The following AGPAT5 variants were observed in gnomAD, a reference collection of about 807,000 sequenced individuals.
The protein encoded by AGPAT5 is 1-acylglycerol-3-phosphate O-acyltransferase 5.
In AGPAT5, 46 loss-of-function variants were observed where a neutral mutation model predicts 45.6. That is an observed-to-expected ratio of 1.01 (90% CI 0.80 to 1.29). The LOEUF is 1.29. Among genes scored for constraint, AGPAT5 ranks in the 50% most tolerant of loss-of-function variants. AGPAT5 has a pLI of 0.00. For synonymous variants in AGPAT5, 272 were observed against 167.0 expected (o/e 1.63, Z -4.85); for missense variants, 673 against 450.7 (o/e 1.49, Z -4.47).
intron 1 of AGPAT5, among the ~76,000 whole-genome samples, chr8:6,713,052 G>T (rs779345652): frequency 1.3e-5 from 2 of 152,188 alleles, no homozygotes; most frequent in African/African-American, 2.4e-5. Context: ...TGGTGCGGTG[G>T]CACCATCATT....
chr8:6,744,936 C>T (rs1389000487), intron 5 of AGPAT5, among the ~76,000 whole-genome samples: 1 of 152,236 alleles, frequency 6.6e-6, no homozygotes, highest in Non-Finnish European at 1.5e-5. Flanking sequence ...TGACTGCCTT[C>T]TGCAGCCAAG....
intron 3 of AGPAT5, among the ~76,000 whole-genome samples, chr8:6,731,325 A>T (rs911176801): frequency 6.6e-6 from 1 of 152,286 alleles, no homozygotes; most frequent in Admixed American, 6.5e-5. Context: ...TTCCTTCAGC[A>T]TCTGTGGGGA....
rs1802000304 is a variant in AGPAT5, at chr8:6,760,495, GAA to G, written c.*3109_*3110del. Reference sequence around the variant, plus strand: ...ACCACAAAAAATGTGAAAAGAGAGAGAAATGTCTACCAAAGCAGTATTTTGTG... The same window carrying G: ...ACCACAAAAAATGTGAAAAGAGAGAGATGTCTACCAAAGCAGTATTTTGTG... On this transcript the variant is annotated 3_prime_UTR_variant, in exon 8 of 8. Coordinates refer to ENST00000285518, the MANE Select transcript of AGPAT5 (RefSeq NM_018361.5). Among the ~76,000 whole-genome samples, 1 of 152,168 alleles carries G rather than the reference GAA, an allele frequency of 6.6e-6. No individual in the cohort carries two copies. The highest frequency in any genetic ancestry group is 6.5e-5 in the Admixed American group (1 of 15,270).
At chr8:6,733,660 T>C (rs980178830) in intron 4 of AGPAT5, among the ~76,000 whole-genome samples, 3 of 152,312 alleles carry the variant, frequency 2.0e-5, no homozygotes, top group Middle Eastern at 3.4e-3. Context: ...GGTCATTGCA[T>C]GTAGGTCTCC....
intron 1 of AGPAT5, among the ~76,000 whole-genome samples, chr8:6,710,030 A>T (rs565337047): frequency 1.3e-5 from 2 of 152,334 alleles, no homozygotes; most frequent in South Asian, 4.1e-4. Context: ...GTTTGTCTAA[A>T]TGTATGATTT....
At chr8:6,748,082 G>A (rs1440765150) in intron 6 of AGPAT5, among the ~76,000 whole-genome samples, 1 of 149,500 alleles carries the variant, frequency 6.7e-6, no homozygotes, top group East Asian at 2.1e-4. Context: ...TCTACTCAAA[G>A]TTCACACTTA....
At position 6,758,584 on chromosome 8, in the gene AGPAT5, C is replaced by T. The variant is rs965047844; in HGVS notation, c.*1196C>T. Reference sequence around the variant, plus strand: ...GCATTTGTCTGTGTCAAGAAGTTCACCTTCTCAAGCCAGTGAAATACAGAC... The same window carrying T: ...GCATTTGTCTGTGTCAAGAAGTTCATCTTCTCAAGCCAGTGAAATACAGAC... On this transcript the variant is annotated 3_prime_UTR_variant, in exon 8 of 8. Transcript: ENST00000285518. 7 of 152,376 alleles carry T rather than the reference C, an allele frequency of 4.6e-5. No homozygotes were observed. The highest frequency in any genetic ancestry group is 1.7e-4 in the African/African-American group (7 of 41,458). 9.4% of individuals were successfully genotyped at this position (152,376 alleles called of 1,614,324 possible).
rs1587082939 is a variant in AGPAT5 at position 6,761,404 on chromosome 8, T to C, written c.*4016T>C. On this transcript the variant is annotated 3_prime_UTR_variant, in exon 8 of 8. Coordinates refer to ENST00000285518, the MANE Select transcript of AGPAT5 (RefSeq NM_018361.5). Reference sequence around the variant, plus strand: ...GCAAGAATACTTGACTAACTCTTTTTGTCTCTTTATGGTATTTTCAGAATA... The same window carrying C: ...GCAAGAATACTTGACTAACTCTTTTCGTCTCTTTATGGTATTTTCAGAATA... Among the ~76,000 whole-genome samples, 1 of 152,254 alleles carries C rather than the reference T, an allele frequency of 6.6e-6. No individual in the cohort carries two copies. The highest frequency in any genetic ancestry group is 1.9e-4 in the East Asian group (1 of 5,202).
intron 1 of AGPAT5, among the ~76,000 whole-genome samples, chr8:6,720,001 C>G (rs1043960286): frequency 6.6e-6 from 1 of 152,184 alleles, no homozygotes; most frequent in African/African-American, 2.4e-5. Flanking sequence ...TTACAGAACA[C>G]ACCCATGATT....
At chr8:6,748,359 C>G (rs1801548862) in intron 6 of AGPAT5, among the ~76,000 whole-genome samples, 1 of 152,052 alleles carries the variant, frequency 6.6e-6, no homozygotes, top group Non-Finnish European at 1.5e-5. Flanking sequence ...CTTAGTTAAA[C>G]TAACCAAACA....
intron 7 of AGPAT5, among the ~76,000 whole-genome samples, chr8:6,756,103 CCTTT>C (rs1384470649): frequency 6.6e-6 from 1 of 152,118 alleles, no homozygotes; most frequent in African/African-American, 2.4e-5. Flanking sequence ...AAGCGCTTTC[CCTTT>C]CTGTTTGTGT....
At chr8:6,751,812 T>C (rs1045502900) in intron 6 of AGPAT5, among the ~76,000 whole-genome samples, 3 of 152,246 alleles carry the variant, frequency 2.0e-5, no homozygotes, top group African/African-American at 7.2e-5. Context: ...TGTATGATCC[T>C]AGTTAAGTTT....
intron 2 of AGPAT5, among the ~76,000 whole-genome samples, chr8:6,727,614 C>T (rs1423459517): frequency 2.6e-5 from 4 of 152,216 alleles, no homozygotes; most frequent in African/African-American, 9.6e-5. Flanking sequence ...CTCCTGACCT[C>T]AGGTGATCTG....
intron 1 of AGPAT5, among the ~76,000 whole-genome samples, chr8:6,715,396 T>C (rs1221532281): frequency 2.6e-5 from 4 of 152,134 alleles, no homozygotes; most frequent in Admixed American, 2.6e-4. Context: ...TCTATTTTAG[T>C]GGTAGCTGAT....
intron 1 of AGPAT5, 40 bp from the exon 2 acceptor site, chr8:6,724,830 T>G (rs370287234): frequency 1.5e-6 from 1 of 661,680 alleles, no homozygotes; most frequent in Non-Finnish European, 2.3e-6. Context: ...TACAGATGTT[T>G]TAAAATATCA....
chr8:6,759,681 A>T lies in AGPAT5; in HGVS notation c.*2293A>T, dbSNP rs1801966035. ...CTGTCTCTAATGGCTGTGCTGTTTA[A>T]CATTTTTTGACCCTAAAATTCACCA... On this transcript the variant is annotated 3_prime_UTR_variant, in exon 8 of 8. Coordinates refer to ENST00000285518, the MANE Select transcript of AGPAT5 (RefSeq NM_018361.5). 6.6e-6 allele frequency: 1 copy of T among 152,216 alleles called. No homozygotes were observed. The highest frequency in any genetic ancestry group is 2.4e-5 in the African/African-American group (1 of 41,450). The allele number at this position is 152,216 out of a possible 1,614,324, so 9.4% of individuals were successfully genotyped here.
chr8:6,757,093 C>G, intron 7 of AGPAT5, 70 bp from the exon 8 acceptor site: 1 of 1,189,632 alleles, frequency 8.4e-7, no homozygotes, highest in Non-Finnish European at 1.2e-6. Context: ...GTAATAGCTA[C>G]CTGATTGATA....
At chr8:6,712,965 C>T (rs1172559426) in intron 1 of AGPAT5, among the ~76,000 whole-genome samples, 1 of 152,086 alleles carries the variant, frequency 6.6e-6, no homozygotes, top group Non-Finnish European at 1.5e-5. Flanking sequence ...AATTTGTAGG[C>T]CAAAAAATTA....
chr8:6,743,953 G>A (rs1272790949), intron 5 of AGPAT5, among the ~76,000 whole-genome samples: 1 of 152,030 alleles, frequency 6.6e-6, no homozygotes, highest in Non-Finnish European at 1.5e-5. Flanking sequence ...GTAGAGATTT[G>A]AGAGTTCTTT....
Sources: gnomAD v4.1 joint callset for allele counts (sites outside exome capture counted in the v4.1 genomes callset) on GRCh38, gnomAD v4.1.1 for gene constraint, MANE v1.5 for transcripts, NCBI Gene and HGNC (gene_info 2026-07-23, HGNC 2026-07-21) for gene names.